The following ATP8B1 variants were observed in gnomAD, a reference collection of about 807,000 sequenced individuals.
ATP8B1 encodes ATPase phospholipid transporting 8B1, also known as phospholipid-transporting ATPase IC.
Under a neutral mutation model 149.9 loss-of-function variants are expected in ATP8B1, and 80 were observed. The observed-to-expected ratio is 0.53, with a 90% CI of 0.45 to 0.64. ATP8B1 has a LOEUF of 0.64. Among genes scored for constraint, ATP8B1 ranks in the 30% least tolerant of loss-of-function variants. The probability of loss-of-function intolerance (pLI) is 0.00; values close to 1 mark genes in which losing one functional copy is unlikely to be tolerated. For missense variants in ATP8B1, 1,247 were observed against 1,552.6 expected (o/e 0.80, Z 3.31); for synonymous variants, 536 against 562.8 (o/e 0.95, Z 0.67).
At chr18:57,797,558 T>A (rs2080526590) in intron 1 of ATP8B1, among the ~76,000 whole-genome samples, 1 of 151,986 alleles carries the variant, frequency 6.6e-6, no homozygotes, top group Non-Finnish European at 1.5e-5. Flanking sequence ...ATATACTAGA[T>A]TGAAAGACTG....
intron 2 of ATP8B1, among the ~76,000 whole-genome samples, chr18:57,719,540 C>A (rs559258484): frequency 6.6e-6 from 1 of 152,226 alleles, no homozygotes; most frequent in African/African-American, 2.4e-5. Flanking sequence ...CCGAATATTG[C>A]GCTTTTCAGA....
chr18:57,657,975 G>A (rs1255649024), intron 22 of ATP8B1, among the ~76,000 whole-genome samples: 2 of 152,046 alleles, frequency 1.3e-5, no homozygotes, highest in Non-Finnish European at 1.5e-5. Context: ...GCGGTGTTAG[G>A]TGCCTCACTG....
At chr18:57,695,132 A>T (rs1175167024) in intron 10 of ATP8B1, 39 bp downstream of exon 10, 1 of 1,610,154 alleles carries the variant, frequency 6.2e-7, no homozygotes, top group Non-Finnish European at 8.5e-7. Flanking sequence ...GTCTTTAAAG[A>T]TCATAGCTGA....
At position 57,773,201 on chromosome 18, in the gene ATP8B1, T is replaced by TAA. The variant is rs34028925; in HGVS notation, c.-26+29795_-26+29796dup. 1.4e-4 allele frequency among the ~76,000 whole-genome samples: 20 copies of TAA among 139,450 alleles called. No homozygotes were observed. In the East Asian group the frequency reaches 2.8e-3, roughly 19 times the overall value. The allele number at this position is 139,450 out of a possible 152,430, so 91.5% of individuals were successfully genotyped here. ...TGGGTGACAGAGCGAGACTCTGTCTTAAAAAAAAAAAAAAAAAGAAAAGAA... is the reference window on the plus strand; with the variant it reads ...TGGGTGACAGAGCGAGACTCTGTCTTAAAAAAAAAAAAAAAAAAAGAAAAGAA... On this transcript the variant is annotated intron_variant, in intron 1 of 27. Transcript: ENST00000648908.
At chr18:57,652,455 A>T in intron 25 of ATP8B1, 29 bp downstream of exon 25, 1 of 1,614,042 alleles carries the variant, frequency 6.2e-7, no homozygotes. Flanking sequence ...ACCAATAGAC[A>T]CTGAATACGG....
At chr18:57,734,412 C>T (rs1230345934) in intron 1 of ATP8B1, among the ~76,000 whole-genome samples, 1 of 152,030 alleles carries the variant, frequency 6.6e-6, no homozygotes, top group African/African-American at 2.4e-5. Context: ...CTGGGACATA[C>T]ATTATTTTAA....
At chr18:57,726,426 A>G (rs904123166) in intron 2 of ATP8B1, among the ~76,000 whole-genome samples, 1 of 152,200 alleles carries the variant, frequency 6.6e-6, no homozygotes, top group Non-Finnish European at 1.5e-5. Flanking sequence ...ATGGGAGAAA[A>G]TATTCAGGCC....
intron 1 of ATP8B1, among the ~76,000 whole-genome samples, chr18:57,780,501 G>C (rs1334334675): frequency 1.3e-5 from 2 of 152,178 alleles, no homozygotes; most frequent in East Asian, 3.8e-4. Context: ...AGCTGGGTGA[G>C]GGGGTGTGGA....
intron 1 of ATP8B1, among the ~76,000 whole-genome samples, chr18:57,762,234 G>A (rs1479633819): frequency 1.3e-5 from 2 of 151,570 alleles, no homozygotes; most frequent in East Asian, 1.9e-4. Context: ...CATTTCCCAG[G>A]TTCAAGCGAT....
At chr18:57,717,210 A>G (rs1009272701) in intron 2 of ATP8B1, among the ~76,000 whole-genome samples, 1 of 152,166 alleles carries the variant, frequency 6.6e-6, no homozygotes, top group Non-Finnish European at 1.5e-5. Flanking sequence ...ACGTGCCTAC[A>G]TCAAAAAATA....
chr18:57,677,911 C>T (rs1476794968), intron 15 of ATP8B1, among the ~76,000 whole-genome samples: 1 of 152,056 alleles, frequency 6.6e-6, no homozygotes, highest in Non-Finnish European at 1.5e-5. Context: ...AAGTAAGACA[C>T]TCATATCTAG....
chr18:57,752,317 T>C (rs578209326), intron 1 of ATP8B1, among the ~76,000 whole-genome samples: 58 of 151,964 alleles, frequency 3.8e-4, no homozygotes, highest in Non-Finnish European at 7.5e-4. Context: ...CAAGAAATGG[T>C]TAAGGGCTCC....
At chr18:57,773,166 C>A (rs1329327139) in intron 1 of ATP8B1, among the ~76,000 whole-genome samples, 2 of 144,326 alleles carry the variant, frequency 1.4e-5, no homozygotes, top group African/African-American at 2.6e-5. Flanking sequence ...CACACCATTG[C>A]ACTCCAGCCT....
chr18:57,672,214 T>C (rs1341262734), intron 16 of ATP8B1, among the ~76,000 whole-genome samples: 3 of 152,244 alleles, frequency 2.0e-5, no homozygotes, highest in African/African-American at 7.2e-5. Flanking sequence ...TTTTTCTCCA[T>C]CCAACCAACA....
At chr18:57,756,594 G>A (rs1222410990) in intron 1 of ATP8B1, among the ~76,000 whole-genome samples, 2 of 151,696 alleles carry the variant, frequency 1.3e-5, no homozygotes, top group East Asian at 1.9e-4. Flanking sequence ...CACTGTGCCC[G>A]GCCTCCACAA....
At chr18:57,764,756 TC>T (rs1415027732) in intron 1 of ATP8B1, among the ~76,000 whole-genome samples, 3,525 of 66,176 alleles carry the variant, frequency 0.053, 134 homozygotes, top group African/African-American at 0.19. Flanking sequence ...CTTTCAGTTG[TC>T]AAAAAAAAAA....
chr18:57,741,869 T>C (rs2079917333), intron 1 of ATP8B1, among the ~76,000 whole-genome samples: 1 of 152,174 alleles, frequency 6.6e-6, no homozygotes, highest in Admixed American at 6.5e-5. Flanking sequence ...CTGCCCAGTA[T>C]TCTTTTATTT....
At chr18:57,657,394 A>G (rs1910075818) in intron 22 of ATP8B1, among the ~76,000 whole-genome samples, 1 of 152,194 alleles carries the variant, frequency 6.6e-6, no homozygotes, top group South Asian at 2.1e-4. Flanking sequence ...GTGAAGATAG[A>G]CAAGATCATT....
chr18:57,728,465 A>G (rs980028265), intron 2 of ATP8B1, among the ~76,000 whole-genome samples: 47 of 152,062 alleles, frequency 3.1e-4, no homozygotes, highest in Non-Finnish European at 5.9e-5. Flanking sequence ...GGGCAAAGAG[A>G]GGAAGGGAGG....
Sources: allele counts gnomAD v4.1 joint callset (sites outside exome capture counted in the v4.1 genomes callset), GRCh38; gene constraint gnomAD v4.1.1; transcripts MANE v1.5; gene names NCBI Gene and HGNC (gene_info 2026-07-23, HGNC 2026-07-21).